UVSSA: variants seen among roughly 807,000 people sequenced by gnomAD.
UVSSA encodes UV-stimulated scaffold protein A.
In UVSSA, 72 loss-of-function variants were observed where a neutral mutation model predicts 73.9. The ratio of observed to expected loss-of-function variants is 0.97; its 90% CI spans 0.81 to 1.19. The LOEUF is 1.19. UVSSA is among the 50% of genes most tolerant of loss of function. UVSSA has a pLI of 0.00. For missense variants in UVSSA, 1,150 were observed against 965.0 expected (o/e 1.19, Z -2.54); for synonymous variants, 454 against 391.3 (o/e 1.16, Z -1.89).
chr4:1,380,557 C>T, intron 11 of UVSSA: 1 of 1,226,236 alleles, frequency 8.2e-7, no homozygotes, highest in Non-Finnish European at 1.1e-6. Flanking sequence ...GAGGAGAGGC[C>T]AGGGGGCCAG....
intron 4 of UVSSA, among the ~76,000 whole-genome samples, chr4:1,352,734 C>T (rs1035966817): frequency 6.6e-6 from 1 of 152,254 alleles, no homozygotes; most frequent in Non-Finnish European, 1.5e-5. Context: ...GGCGGATCGC[C>T]TGAGTCCAGG....
intron 7 of UVSSA, among the ~76,000 whole-genome samples, chr4:1,362,260 G>A (rs1449050319): frequency 1.3e-5 from 2 of 152,220 alleles, no homozygotes; most frequent in Non-Finnish European, 2.9e-5. Flanking sequence ...TTCCTTTGGA[G>A]GTGCCCTGTG....
At chr4:1,343,047 A>C (rs1310590485), upstream of UVSSA, among the ~76,000 whole-genome samples, 1 of 152,084 alleles carries the variant, frequency 6.6e-6, no homozygotes, top group Non-Finnish European at 1.5e-5. Context: ...TGGGATTGTC[A>C]CTGGAACTGC....
chr4:1,344,692 A>G (rs1210501043), upstream of UVSSA, among the ~76,000 whole-genome samples: 1 of 152,204 alleles, frequency 6.6e-6, no homozygotes, highest in Non-Finnish European at 1.5e-5. Context: ...CAGGGACTGT[A>G]TGTTTTAGGA....
In UVSSA at chr4:1,351,836, G is replaced by T; in HGVS notation, c.550+1G>T. ...AGCCAGGCGGAGAGGGAGATGCAAG[G>T]CAAGTGTCCAGGACGGAGGGAGGGG... On this transcript the variant is annotated splice_donor_variant, in intron 4 of 13. Transcript: ENST00000389851. LOFTEE classifies it high-confidence loss of function. The T allele has an allele frequency of 6.2e-7, 1 of 1,612,898 alleles. No individual in the cohort carries two copies. Among genetic ancestry groups the T allele is most frequent in the Non-Finnish European group, 8.5e-7 (1 of 1,179,356 alleles).
rs769503135 is a variant in UVSSA at position 1,376,101 on chromosome 4, G to A, written c.1501G>A (p.Val501Met). The change falls in exon 10 of 14, where the codon GTG becomes ATG. Residue 501 changes from valine to methionine, a missense_variant. Transcript: ENST00000389851. Reference protein sequence around the residue: ...KLAAERARAPVVPYGVDLHYW... With the variant: ...KLAAERARAPMVPYGVDLHYW... ...GGCAGCAGAGCGGGCCCGGGCGCCT[G>A]TGGTGCCCTACGGCGTGGACCTGCA... 6 of 1,606,148 alleles carry A rather than the reference G, an allele frequency of 3.7e-6. No individual in the cohort carries two copies. Among genetic ancestry groups the A allele is most frequent in the Non-Finnish European group, 4.2e-6 (5 of 1,176,926 alleles).
At chr4:1,364,600 G>A (rs905693490) in intron 7 of UVSSA, among the ~76,000 whole-genome samples, 2 of 152,182 alleles carry the variant, frequency 1.3e-5, no homozygotes, top group African/African-American at 2.4e-5. Flanking sequence ...CTGTTTTTCG[G>A]TTTTTCTCTT....
chr4:1,374,324 C>T (rs78476820), intron 8 of UVSSA, among the ~76,000 whole-genome samples: 4,331 of 152,334 alleles, frequency 0.028, 155 homozygotes, highest in East Asian at 0.19. Context: ...GCCATCCCGA[C>T]GCCTCAGGAC....
exon 14 of UVSSA, chr4:1,394,969 T>G (rs138170890): frequency 3.0e-6 from 2 of 677,662 alleles, no homozygotes; most frequent in East Asian, 6.7e-5. Context: ...CACGTGCCCA[T>G]GCGGAGTGCC....
At chr4:1,367,958 G>T (rs548906503) in intron 8 of UVSSA, among the ~76,000 whole-genome samples, 118 of 152,386 alleles carry the variant, frequency 7.7e-4, no homozygotes, top group African/African-American at 2.8e-3. Context: ...GGGCCCTGGG[G>T]GTGCCTGAGC....
At chr4:1,353,512 G>GGGC (rs2109091578) in intron 5 of UVSSA, 99 bp downstream of exon 5, 1 of 1,405,876 alleles carries the variant, frequency 7.1e-7, no homozygotes, top group East Asian at 2.6e-5. Context: ...GGGGATGCAG[G>GGGC]GGCCTCCCCT....
Position 1,355,230 on chromosome 4 carries a change from AG to A in UVSSA, c.1165del (p.Glu389LysfsTer195). 1 of 1,610,460 alleles carries A rather than the reference AG, an allele frequency of 6.2e-7. No homozygotes were observed. Among genetic ancestry groups the A allele is most frequent in the Non-Finnish European group, 8.5e-7 (1 of 1,178,486 alleles). On this transcript the variant is annotated frameshift_variant, in exon 7 of 14. Transcript: ENST00000389851. LOFTEE classifies it high-confidence loss of function. Reference sequence around the variant, plus strand: ...AGGAGCTGGACATCGAGCCTGAGGGAGGGGAAAGGCGCAGGGTGAGTGGGCA... The same window carrying A: ...AGGAGCTGGACATCGAGCCTGAGGGAGGGAAAGGCGCAGGGTGAGTGGGCA... ...YKELDIEPEG[G>X]ERRRTEALGD...
intron 7 of UVSSA, among the ~76,000 whole-genome samples, chr4:1,365,482 GA>G (rs1404966732): frequency 2.0e-5 from 3 of 152,182 alleles, no homozygotes; most frequent in African/African-American, 7.2e-5. Context: ...TTTCTCAGGG[GA>G]AAAAGAAAGC....
rs140611637 is a variant in UVSSA, at chr4:1,349,763, C to A, written c.338C>A (p.Thr113Asn). The change falls in exon 3 of 14, where the codon ACC becomes AAC. Residue 113 changes from threonine to asparagine, a missense_variant. Thr to Asn is a moderately conservative substitution (Grantham distance 65, BLOSUM62 0). Transcript: ENST00000389851. The part of the protein sequence containing the change: ...REAAQRLRQA[T>N]TRAVEGWNEK... ...GCGGCACAGAGGCTGAGGCAGGCGA[C>A]CACCCGGGCCGTGGAAGGGTGGAAT... 6 of 1,608,954 alleles carry A rather than the reference C, an allele frequency of 3.7e-6. No homozygotes were observed. The African/African-American group carries it at 8.0e-5, about 22-fold the overall frequency.
chr4:1,355,876 G>A (rs1013530317), intron 7 of UVSSA, among the ~76,000 whole-genome samples: 4 of 152,136 alleles, frequency 2.6e-5, no homozygotes, highest in Admixed American at 6.5e-5. Context: ...TGTCGGAGCC[G>A]TTCGAGGGTG....
intron 12 of UVSSA, among the ~76,000 whole-genome samples, chr4:1,382,431 T>A (rs1382217468): frequency 6.6e-6 from 1 of 152,236 alleles, no homozygotes; most frequent in Admixed American, 6.5e-5. Context: ...TCCCTGGTGC[T>A]AACCTCAGTG....
chr4:1,371,324 G>T (rs1047541792), intron 8 of UVSSA, among the ~76,000 whole-genome samples: 3 of 151,880 alleles, frequency 2.0e-5, no homozygotes, highest in African/African-American at 7.3e-5. Flanking sequence ...CTTTCCGGGT[G>T]TCTGAGCTCT....
rs984243920 is a variant in UVSSA, at chr4:1,354,643, T to C, written c.935-92T>C. 4.3e-6 allele frequency: 5 copies of C among 1,164,066 alleles called. No homozygotes were observed. The Admixed American group carries it at 9.8e-5, about 23-fold the overall frequency. 72.1% of individuals were successfully genotyped at this position (1,164,066 alleles called of 1,614,324 possible). On this transcript the variant is annotated intron_variant, in intron 5 of 13. Coordinates refer to ENST00000389851, the MANE Select transcript of UVSSA (RefSeq NM_020894.4). ...GGCGTCTGGCAGGTTCCCCTCAGGC[T>C]AGAGCAGCCTTCCTTGCATGGTCTG... is the stretch of plus-strand genomic sequence containing the variant.
chr4:1,346,122 G>A (rs1202256978), upstream of UVSSA, among the ~76,000 whole-genome samples: 3 of 152,168 alleles, frequency 2.0e-5, no homozygotes, highest in African/African-American at 4.8e-5. Flanking sequence ...AGAGAGGGGC[G>A]GCGCAGGGAG....
Sources: gnomAD v4.1 joint callset for allele counts (sites outside exome capture counted in the v4.1 genomes callset) on GRCh38, gnomAD v4.1.1 for gene constraint, MANE v1.5 for transcripts, NCBI Gene and HGNC (gene_info 2026-07-23, HGNC 2026-07-21) for gene names.